Variants in NIBAN1 observed in about 807,000 individuals in gnomAD.
NIBAN1 encodes the protein protein Niban 1.
Under a neutral mutation model 75.1 loss-of-function variants are expected in NIBAN1, and 81 were observed. The observed-to-expected ratio is 1.08, with a 90% CI of 0.90 to 1.30. NIBAN1 has a LOEUF of 1.30. Ranked by LOEUF, NIBAN1 falls within the 50% of genes most tolerant of loss-of-function variation. The pLI, the probability that NIBAN1 is intolerant of heterozygous loss-of-function variation, is 0.00. For missense variants in NIBAN1, 1,133 were observed against 1,128.1 expected, an observed-to-expected ratio of 1.00 and a Z score of -0.06; for synonymous variants, 436 against 424.8, an observed-to-expected ratio of 1.03 and a Z score of -0.32.
chr1:184,956,778 G>A (rs1224622560), intron 1 of NIBAN1, among the ~76,000 whole-genome samples: 1 of 151,868 alleles, frequency 6.6e-6, no homozygotes, highest in Admixed American at 6.6e-5. Flanking sequence ...AACCACCAAA[G>A]GTGTCCATGG....
intron 5 of NIBAN1, among the ~76,000 whole-genome samples, chr1:184,876,435 T>C (rs577237374): frequency 6.6e-6 from 1 of 152,100 alleles, no homozygotes; most frequent in Non-Finnish European, 1.5e-5. Flanking sequence ...TGGTGGCTAA[T>C]GCCTGTAATT....
rs760568034 is a variant in NIBAN1 at position 184,806,027 on chromosome 1, C to G, written c.1365G>C (p.Glu455Asp). ...ELMENAVFTF[E>D]QLLSPHLQGE... ...CTTGGAGATGTGGGGAAAGCAACTGCTCAAAAGTGAACACTGCATTCTCCA... is the reference window on the plus strand; with the variant it reads ...CTTGGAGATGTGGGGAAAGCAACTGGTCAAAAGTGAACACTGCATTCTCCA... Residue 455 changes from glutamate (E) to aspartate (D), a missense_variant, in exon 11 of 14, where the codon GAG becomes GAC. Physicochemically the swap from Glu to Asp is conservative, Grantham distance 45 (BLOSUM62 2). Coordinates refer to ENST00000367511, the MANE Select transcript of NIBAN1 (RefSeq NM_052966.4). The G allele has an allele frequency of 1.7e-5, 28 of 1,614,138 alleles. No homozygotes were observed. The highest frequency in any genetic ancestry group is 2.2e-5 in the Non-Finnish European group (26 of 1,180,016).
At chr1:184,806,334 A>T (rs1557871151) in intron 10 of NIBAN1, among the ~76,000 whole-genome samples, 1 of 152,184 alleles carries the variant, frequency 6.6e-6, no homozygotes, top group Admixed American at 6.5e-5. Flanking sequence ...ATTCTTTGAT[A>T]CCTGCAGCCA....
chr1:184,957,003 G>C lies in NIBAN1; in HGVS notation c.55+17299C>G, dbSNP rs1658507214. On this transcript the variant is annotated intron_variant, in intron 1 of 13. Transcript: ENST00000367511. ...CTGCCACTGGTTAACATTGCCACCA[G>C]CTTCCCTGCATTGAAGAGAAGACAC... is the stretch of plus-strand genomic sequence containing the variant. Among the ~76,000 whole-genome samples, 4 of 152,368 alleles carry C rather than the reference G, an allele frequency of 2.6e-5. No homozygotes were observed. In the South Asian group the frequency reaches 8.3e-4, roughly 32 times the overall value.
At chr1:184,943,850 G>T (rs568347510) in intron 1 of NIBAN1, among the ~76,000 whole-genome samples, 35 of 152,112 alleles carry the variant, frequency 2.3e-4, no homozygotes, top group Admixed American at 1.3e-4. Flanking sequence ...ACTAGACACC[G>T]AGGTGATATA....
intron 5 of NIBAN1, among the ~76,000 whole-genome samples, chr1:184,841,469 A>G (rs1655286077): frequency 6.6e-6 from 1 of 152,242 alleles, no homozygotes; most frequent in African/African-American, 2.4e-5. Context: ...TGGATACCAG[A>G]ATATTTTACA....
chr1:184,881,705 G>T (rs969425683), intron 5 of NIBAN1, among the ~76,000 whole-genome samples: 1 of 152,092 alleles, frequency 6.6e-6, no homozygotes, highest in African/African-American at 2.4e-5. Flanking sequence ...GATTATTTAC[G>T]CCTCCCCTTT....
At chr1:184,866,317 T>C (rs1655955925) in intron 5 of NIBAN1, among the ~76,000 whole-genome samples, 1 of 152,178 alleles carries the variant, frequency 6.6e-6, no homozygotes, top group Non-Finnish European at 1.5e-5. Flanking sequence ...GGTGTTCTGG[T>C]GGAAATGACA....
intron 13 of NIBAN1, among the ~76,000 whole-genome samples, chr1:184,796,754 T>A (rs1195271885): frequency 6.6e-6 from 1 of 152,242 alleles, no homozygotes; most frequent in Non-Finnish European, 1.5e-5. Flanking sequence ...GCCATTCATA[T>A]CAAAGACAGA....
At chr1:184,820,132 T>C (rs1352094634) in intron 8 of NIBAN1, among the ~76,000 whole-genome samples, 1 of 152,224 alleles carries the variant, frequency 6.6e-6, no homozygotes, top group Non-Finnish European at 1.5e-5. Flanking sequence ...CTTCTAAAAA[T>C]GACTTGCTTG....
chr1:184,889,681 C>A (rs1237541741), intron 4 of NIBAN1, among the ~76,000 whole-genome samples: 3 of 152,114 alleles, frequency 2.0e-5, no homozygotes. Context: ...CTTCAAGATA[C>A]CTGGCTGACA....
chr1:184,843,992 G>C (rs1156754234), intron 5 of NIBAN1, among the ~76,000 whole-genome samples: 2 of 152,134 alleles, frequency 1.3e-5, no homozygotes, highest in Admixed American at 1.3e-4. Flanking sequence ...ACACAACTTG[G>C]ATACGATTTA....
At position 184,878,753 on chromosome 1, in the gene NIBAN1, A is replaced by G. The variant is rs528974755; in HGVS notation, c.601+5880T>C. Among the ~76,000 whole-genome samples, 6 of 152,336 alleles carry G rather than the reference A, an allele frequency of 3.9e-5. No homozygotes were observed. The East Asian group carries it at 1.2e-3, about 29-fold the overall frequency. On this transcript the variant is annotated intron_variant, in intron 5 of 13. Transcript: ENST00000367511. ...TCTTTTAGAAAGTAACACTGAGAAG[A>G]CAACATGATATCTACAACTGAAACA...
At chr1:184,950,287 G>A (rs1316279054) in intron 1 of NIBAN1, among the ~76,000 whole-genome samples, 2 of 151,820 alleles carry the variant, frequency 1.3e-5, no homozygotes, top group Non-Finnish European at 2.9e-5. Flanking sequence ...TTTTTTCCCA[G>A]GCCATCCAGG....
intron 1 of NIBAN1, among the ~76,000 whole-genome samples, chr1:184,941,810 C>A (rs1413099413): frequency 6.6e-6 from 1 of 152,154 alleles, no homozygotes; most frequent in Non-Finnish European, 1.5e-5. Context: ...GTGTCCCATG[C>A]TAAGTAATAA....
Position 184,894,135 on chromosome 1 carries a change from C to T in NIBAN1, c.258G>A (p.Trp86Ter). ...TTTTAACTACAACGTATCTCTCCTT[C>T]CACTTCTTTATGTCTTCAGAAAATT... ...LSQFSEDIKK[W>*]KERYVVVKND... Residue 86 changes from tryptophan (W) to a stop codon, truncating the protein, a stop_gained, in exon 3 of 14, where the codon TGG becomes TGA. Coordinates refer to ENST00000367511, the MANE Select transcript of NIBAN1 (RefSeq NM_052966.4). LOFTEE classifies it high-confidence loss of function. 1 of 1,612,998 alleles carries T rather than the reference C, an allele frequency of 6.2e-7. No individual in the cohort carries two copies. The highest frequency in any genetic ancestry group is 8.5e-7 in the Non-Finnish European group (1 of 1,179,494).
At chr1:184,942,218 A>G (rs950071307) in intron 1 of NIBAN1, among the ~76,000 whole-genome samples, 1 of 152,278 alleles carries the variant, frequency 6.6e-6, no homozygotes, top group Non-Finnish European at 1.5e-5. Flanking sequence ...AAACACAATA[A>G]TAAACTATCA....
At chr1:184,884,844 C>A in intron 4 of NIBAN1, 44 bp from the exon 5 acceptor site, 2 of 1,596,960 alleles carry the variant, frequency 1.3e-6, no homozygotes, top group Non-Finnish European at 1.7e-6. Context: ...AAACATGTAT[C>A]TTTTATTTCA....
rs1157991177 is a variant in NIBAN1 at position 184,804,021 on chromosome 1, C to G, written c.1447-329G>C. On this transcript the variant is annotated intron_variant, in intron 11 of 13. Transcript: ENST00000367511. ...TTATTACTCCTGTCCCAGGTAGGTC[C>G]ATGGAAACCATGATCATCTATTACT... is the stretch of plus-strand genomic sequence containing the variant. Among the ~76,000 whole-genome samples the G allele has an allele frequency of 2.0e-5, 3 of 152,296 alleles. No individual in the cohort carries two copies. The South Asian group carries it at 6.2e-4, about 32-fold the overall frequency.
Sources: allele counts gnomAD v4.1 joint callset (sites outside exome capture counted in the v4.1 genomes callset), GRCh38; gene constraint gnomAD v4.1.1; transcripts MANE v1.5; gene names NCBI Gene and HGNC (gene_info 2026-07-23, HGNC 2026-07-21).